Variants in MSN observed in about 807,000 individuals in gnomAD.
MSN encodes the protein moesin, also known as epididymis luminal protein 70.
MSN carries 2 observed loss-of-function variants against 48.0 expected under a neutral mutation model. The ratio of observed to expected loss-of-function variants is 0.04; its 90% CI spans 0.02 to 0.13. The LOEUF (loss-of-function observed/expected upper bound fraction) is 0.13, where lower values mean the gene tolerates loss of function less well. Among genes scored for constraint, MSN ranks in the 10% least tolerant of loss-of-function variants. The pLI, the probability that MSN is intolerant of heterozygous loss-of-function variation, is 1.00. For synonymous variants in MSN, 146 were observed against 166.9 expected, an observed-to-expected ratio of 0.87 and a Z score of 0.97; for missense variants, 267 against 470.1, an observed-to-expected ratio of 0.57 and a Z score of 3.99.
intron 6 of MSN, among the ~76,000 whole-genome samples, chrX:65,732,655 G>C (rs2071634406): frequency 8.9e-6 from 1 of 111,933 alleles, no homozygotes; most frequent in Admixed American, 9.5e-5. Context: ...TATAACTCCT[G>C]AATCTTGGAG....
intron 1 of MSN, among the ~76,000 whole-genome samples, chrX:65,703,671 T>C (rs1294008116): frequency 6.2e-5 from 7 of 112,080 alleles, no homozygotes; most frequent in African/African-American, 2.3e-4. Context: ...AGCAAGCGAT[T>C]CTCATGCCTC....
At chrX:65,673,203 A>G in intron 1 of MSN, among the ~76,000 whole-genome samples, 1 of 111,811 alleles carries the variant, frequency 8.9e-6, no homozygotes, top group East Asian at 2.8e-4. Flanking sequence ...GACAAACACT[A>G]AAAGCCTCAT....
At chrX:65,622,488 A>T (rs776422320) in intron 1 of MSN, among the ~76,000 whole-genome samples, 1 of 104,134 alleles carries the variant, frequency 9.6e-6, no homozygotes, top group Non-Finnish European at 2.0e-5. Context: ...TTTGAATAGC[A>T]GTGATGAAGC....
chrX:65,660,078 C>T (rs760900038), intron 1 of MSN, among the ~76,000 whole-genome samples: 46 of 111,468 alleles, frequency 4.1e-4, no homozygotes, highest in Admixed American at 5.8e-4. Context: ...GATAGCACCT[C>T]GGCTGCCTCT....
chrX:65,731,801 A>G (rs1188057076), intron 5 of MSN, 37 bp from the exon 6 acceptor site: 1 of 1,195,234 alleles, frequency 8.4e-7, no homozygotes. Flanking sequence ...CTGACTCACA[A>G]GCCCCACTTT....
intron 1 of MSN, among the ~76,000 whole-genome samples, chrX:65,595,987 G>A (rs891765364): frequency 2.7e-5 from 3 of 111,777 alleles, no homozygotes; most frequent in Non-Finnish European, 3.8e-5. Flanking sequence ...TTGTACAGTC[G>A]TTGTGATAGA....
At chrX:65,696,086 G>C (rs2071235372) in intron 1 of MSN, among the ~76,000 whole-genome samples, 1 of 110,956 alleles carries the variant, frequency 9.0e-6, no homozygotes, top group Non-Finnish European at 1.9e-5. Context: ...TTATGGCCTG[G>C]ATGCCTCTTG....
intron 1 of MSN, among the ~76,000 whole-genome samples, chrX:65,673,459 C>CTT (rs535119692): frequency 2.0e-5 from 2 of 99,598 alleles, no homozygotes; most frequent in Non-Finnish European, 2.0e-5. Flanking sequence ...TGGGGTACAG[C>CTT]TTTTTTTTTT....
At chrX:65,667,647 C>T (rs2070886843), upstream of MSN, 2 of 1,025,625 alleles carry the variant, frequency 2.0e-6, no homozygotes, top group Non-Finnish European at 2.5e-6. Context: ...GGCGGCGCGA[C>T]AGGGGCGGCT....
Position 65,716,109 on chromosome X carries a change from A to G in MSN, c.13-709A>G, listed in dbSNP as rs774049970. Reference sequence around the variant, plus strand: ...GGAACCCAGTGCTCTTTGTCCTGATATTAATTTGCCTCTGCAATTGTTTAC... The same window carrying G: ...GGAACCCAGTGCTCTTTGTCCTGATGTTAATTTGCCTCTGCAATTGTTTAC... On this transcript the variant is annotated intron_variant, in intron 1 of 12. Transcript: ENST00000360270. Among the ~76,000 whole-genome samples the G allele has an allele frequency of 3.6e-5, 4 of 111,643 alleles. No individual in the cohort carries two copies. In the South Asian group the frequency reaches 1.5e-3, roughly 42 times the overall value.
At chrX:65,621,083 T>C (rs923007110) in intron 1 of MSN, among the ~76,000 whole-genome samples, 14 of 109,831 alleles carry the variant, frequency 1.3e-4, no homozygotes, top group African/African-American at 4.7e-4. Flanking sequence ...GCCTGGCTAA[T>C]TTTTTGTATT....
intron 1 of MSN, among the ~76,000 whole-genome samples, chrX:65,620,189 G>C (rs1162641216): frequency 1.8e-5 from 2 of 112,668 alleles, no homozygotes; most frequent in Non-Finnish European, 3.8e-5. Flanking sequence ...CCCAGAGGTG[G>C]AGCCTACAGA....
intron 1 of MSN, among the ~76,000 whole-genome samples, chrX:65,622,510 G>GTTTTTTTT (rs1216557190): frequency 3.0e-4 from 20 of 66,472 alleles, no homozygotes; most frequent in East Asian, 1.0e-3. Context: ...AGGCATCTTT[G>GTTTTTTTT]TTTTTTTTTT....
Position 65,614,514 on chromosome X carries a change from G to GT in MSN, c.-22+25907dup, listed in dbSNP as rs1432688978. On this transcript the variant is annotated intron_variant, in intron 1 of 3. Coordinates refer to the MSN transcript ENST00000609672. Reference sequence around the variant, plus strand: ...TTCTTCCTATCCATGAGCATGGAATGTTTTTCCCTTTGTTGTGTCCTCTTA... The same window carrying GT: ...TTCTTCCTATCCATGAGCATGGAATGTTTTTTCCCTTTGTTGTGTCCTCTTA... Among the ~76,000 whole-genome samples, 8 of 108,482 alleles carry GT rather than the reference G, an allele frequency of 7.4e-5. No individual in the cohort carries two copies. The South Asian group carries it at 1.6e-3, about 22-fold the overall frequency. The allele number at this position is 108,482 out of a possible 115,157, so 94.2% of individuals were successfully genotyped here. A position where few individuals can be genotyped will look rare whatever the true frequency, so the allele number is the denominator to read the frequency against.
intron 1 of MSN, among the ~76,000 whole-genome samples, chrX:65,641,875 C>CTGTA (rs2070657376): frequency 9.2e-6 from 1 of 108,835 alleles, no homozygotes; most frequent in Non-Finnish European, 1.9e-5. Context: ...TGGCTCATGC[C>CTGTA]TGTAGTCCCA....
intron 1 of MSN, among the ~76,000 whole-genome samples, chrX:65,688,884 A>G (rs2071144615): frequency 8.9e-6 from 1 of 111,940 alleles, no homozygotes; most frequent in African/African-American, 3.3e-5. Flanking sequence ...GGTTGAGCCA[A>G]TAACTTATTT....
Position 65,667,819 on chromosome X carries a change from A to G in MSN, c.-23A>G. On this transcript the variant is annotated 5_prime_UTR_variant, in exon 1 of 13. Transcript: ENST00000360270. Reference sequence around the variant, plus strand: ...CGACAGTCCTAGCTAAACTTCGCCAACTCCGCTGCCTTTGCCGCCACCATG... The same window carrying G: ...CGACAGTCCTAGCTAAACTTCGCCAGCTCCGCTGCCTTTGCCGCCACCATG... 8.3e-7 allele frequency: 1 copy of G among 1,209,740 alleles called. No individual in the cohort carries two copies. Among genetic ancestry groups the G allele is most frequent in the Non-Finnish European group, 1.1e-6 (1 of 895,047 alleles).
Position 65,740,660 on chromosome X carries a change from C to A in MSN, c.*767C>A. 1 of 172,063 alleles carries A rather than the reference C, an allele frequency of 5.8e-6. No homozygotes were observed. Among genetic ancestry groups the A allele is most frequent in the Non-Finnish European group, 1.1e-5 (1 of 89,998 alleles). 14.2% of individuals were successfully genotyped at this position (172,063 alleles called of 1,213,427 possible). On this transcript the variant is annotated 3_prime_UTR_variant, in exon 13 of 13. Coordinates refer to ENST00000360270, the MANE Select transcript of MSN (RefSeq NM_002444.3). ...CCCCAATTCCTTGTAGGAGTATAGG[C>A]CGGTCTAAAGTGAGCTCTATGGGCA... is the stretch of plus-strand genomic sequence containing the variant.
intron 5 of MSN, among the ~76,000 whole-genome samples, chrX:65,731,582 G>A (rs2071622939): frequency 9.0e-6 from 1 of 110,877 alleles, no homozygotes; most frequent in African/African-American, 3.3e-5. Context: ...TTCTATGGCA[G>A]CCAACATGCC....
Sources: gnomAD v4.1 joint callset for allele counts (sites outside exome capture counted in the v4.1 genomes callset) on GRCh38, gnomAD v4.1.1 for gene constraint, MANE v1.5 for transcripts, NCBI Gene and HGNC (gene_info 2026-07-23, HGNC 2026-07-21) for gene names.